STK10: variants seen among roughly 807,000 people sequenced by gnomAD.
STK10 encodes the protein serine/threonine-protein kinase 10.
A neutral mutation model predicts 113.8 loss-of-function variants in STK10; 78 were observed. That is an observed-to-expected ratio of 0.69 (90% CI 0.57 to 0.83). The LOEUF (loss-of-function observed/expected upper bound fraction) is 0.83, where lower values mean the gene tolerates loss of function less well. Ranked by LOEUF, STK10 falls within the 40% of genes least tolerant of loss-of-function variation. STK10 has a pLI of 0.00. For synonymous variants in STK10, 465 were observed against 494.7 expected (o/e 0.94, Z 0.80); for missense variants, 1,109 against 1,280.1 (o/e 0.87, Z 2.04).
intron 15 of STK10, 104 bp from the exon 16 acceptor site, chr5:172,055,880 C>A: frequency 1.5e-5 from 14 of 947,714 alleles, no homozygotes; most frequent in Non-Finnish European, 1.9e-5. Flanking sequence ...CCAGGACCAA[C>A]GCAGCCCACA....
chr5:172,154,061 C>A (rs1267454280), intron 2 of STK10, among the ~76,000 whole-genome samples: 1 of 152,088 alleles, frequency 6.6e-6, no homozygotes, highest in Non-Finnish European at 1.5e-5. Flanking sequence ...TATGCCTCTC[C>A]CCTGCAAAAA....
intron 4 of STK10, among the ~76,000 whole-genome samples, chr5:172,109,934 G>A (rs1266395793): frequency 6.6e-6 from 1 of 152,212 alleles, no homozygotes; most frequent in African/African-American, 2.4e-5. Context: ...CTTGAAATGA[G>A]CTGTATCCAG....
intron 12 of STK10, among the ~76,000 whole-genome samples, chr5:172,068,067 G>A (rs1302891443): frequency 3.9e-5 from 6 of 152,322 alleles, no homozygotes; most frequent in East Asian, 1.9e-4. Flanking sequence ...AGGGCCGGGC[G>A]CGGTGGCTCA....
chr5:172,057,167 G>T (rs1285765910), intron 15 of STK10, 182 bp downstream of exon 15: 1 of 750,924 alleles, frequency 1.3e-6, no homozygotes, highest in South Asian at 1.8e-5. Context: ...CTAGCCCCTT[G>T]AGCTGAAGCA....
At chr5:172,085,390 T>C (rs1768529438) in intron 10 of STK10, among the ~76,000 whole-genome samples, 1 of 151,922 alleles carries the variant, frequency 6.6e-6, no homozygotes. Flanking sequence ...AGCAAATCCA[T>C]TAAAAATTGC....
intron 4 of STK10, among the ~76,000 whole-genome samples, chr5:172,111,481 C>T (rs908142369): frequency 2.6e-5 from 4 of 152,214 alleles, no homozygotes; most frequent in Non-Finnish European, 4.4e-5. Context: ...CTGCCCCACA[C>T]GATGGGGCCC....
At chr5:172,105,499 T>C (rs1769079740) in intron 7 of STK10, 157 bp downstream of exon 7, 2 of 730,870 alleles carry the variant, frequency 2.7e-6, no homozygotes, top group Non-Finnish European at 4.6e-6. Context: ...AACACAGAGC[T>C]GGCATTCAGG....
chr5:172,050,191 A>T (rs186686714), intron 18 of STK10, among the ~76,000 whole-genome samples: 7 of 152,328 alleles, frequency 4.6e-5, no homozygotes, highest in Admixed American at 3.3e-4. Context: ...CAAATGGTTC[A>T]TTTTATTAAA....
intron 2 of STK10, among the ~76,000 whole-genome samples, chr5:172,143,725 A>G (rs919790339): frequency 6.6e-6 from 1 of 152,244 alleles, no homozygotes; most frequent in Non-Finnish European, 1.5e-5. Context: ...TGGACTATGT[A>G]GGTTCAAAGT....
Position 172,055,745 on chromosome 5 carries a change from C to A in STK10, c.2369G>T (p.Arg790Leu). The A allele has an allele frequency of 6.4e-7, 1 of 1,553,392 alleles. No homozygotes were observed. The highest frequency in any genetic ancestry group is 8.7e-7 in the Non-Finnish European group (1 of 1,144,284). ...CCGCACCTTCAGCTGCTCTATCATGCGCTGGTTGTAGCGCTGCATCTGCTC... is the reference window on the plus strand; with the variant it reads ...CCGCACCTTCAGCTGCTCTATCATGAGCTGGTTGTAGCGCTGCATCTGCTC... ...EREQMQRYNQ[R>L]MIEQLKVRQQ... The change falls in exon 16 of 19, where the codon CGC (arginine) becomes CTC (leucine). Residue 790 changes from arginine (R) to leucine (L), a missense_variant. Physicochemically the swap from Arg to Leu is moderately radical, Grantham distance 102. Coordinates refer to ENST00000176763, the MANE Select transcript of STK10 (RefSeq NM_005990.4).
At chr5:172,101,197 G>A (rs750489749) in intron 7 of STK10, among the ~76,000 whole-genome samples, 5 of 152,064 alleles carry the variant, frequency 3.3e-5, no homozygotes, top group African/African-American at 4.8e-5. Flanking sequence ...TTGGCCAGGC[G>A]TGGTGGCTCA....
chr5:172,106,733 G>C lies in STK10; in HGVS notation c.675C>G (p.Ile225Met). ...CGATCTGGGCCATCTCAATCAGCGT[G>C]ATGCCCAGGGACCAGATGTCGGCTT... ...DYKADIWSLGITLIEMAQIEP... is the reference protein window; with the variant it reads ...DYKADIWSLGMTLIEMAQIEP... Residue 225 changes from isoleucine to methionine, a missense_variant, in exon 6 of 19, where the codon ATC (isoleucine) becomes ATG (methionine). Physicochemically the swap from Ile to Met is conservative, Grantham distance 10. Coordinates refer to ENST00000176763, the MANE Select transcript of STK10 (RefSeq NM_005990.4). The C allele has an allele frequency of 7.4e-6, 12 of 1,614,214 alleles. No individual in the cohort carries two copies. Among genetic ancestry groups the C allele is most frequent in the Non-Finnish European group, 1.0e-5 (12 of 1,180,036 alleles).
chr5:172,167,677 C>A (rs1770596770), intron 1 of STK10, among the ~76,000 whole-genome samples: 1 of 152,216 alleles, frequency 6.6e-6, no homozygotes, highest in African/African-American at 2.4e-5. Context: ...TAGCTACTAG[C>A]CGCACGTGGC....
Position 172,187,055 on chromosome 5 carries a change from T to A in STK10, c.156+832A>T, listed in dbSNP as rs1770965059. 6.6e-6 allele frequency among the ~76,000 whole-genome samples: 1 copy of A among 150,858 alleles called. No homozygotes were observed. The highest frequency in any genetic ancestry group is 2.1e-4 in the South Asian group (1 of 4,748). The stretch of plus-strand genomic sequence containing the variant: ...AATTTTCTTAGGGGAAAGGGGGGAG[T>A]CAAGCTGTAGGTGTTGGCTCCCTAA... On this transcript the variant is annotated intron_variant, in intron 1 of 18. Coordinates refer to ENST00000176763, the MANE Select transcript of STK10 (RefSeq NM_005990.4). The surrounding 1 kb of genome is among the most constrained non-coding windows in gnomAD (Gnocchi z 4.6).
At chr5:172,156,222 C>T (rs1411108295) in intron 2 of STK10, among the ~76,000 whole-genome samples, 2 of 152,138 alleles carry the variant, frequency 1.3e-5, no homozygotes, top group Non-Finnish European at 2.9e-5. Flanking sequence ...CTTACATGTG[C>T]CCAGCACTCT....
At chr5:172,180,648 A>C (rs6883822) in intron 1 of STK10, among the ~76,000 whole-genome samples, 8,902 of 95,114 alleles carry the variant, frequency 0.094, 291 homozygotes, top group African/African-American at 0.2. Context: ...ACAACAACAA[A>C]AAAAAAAAAC....
At chr5:172,053,093 T>G (rs1204392360) in intron 17 of STK10, 51 bp from the exon 18 acceptor site, 1 of 1,498,310 alleles carries the variant, frequency 6.7e-7, no homozygotes, top group Non-Finnish European at 9.3e-7. Flanking sequence ...ACGCAGGCCC[T>G]GAAGACTGAG....
At chr5:172,054,857 C>G (rs918919604) in intron 16 of STK10, among the ~76,000 whole-genome samples, 163 bp from the exon 17 acceptor site, 2 of 152,202 alleles carry the variant, frequency 1.3e-5, no homozygotes, top group Non-Finnish European at 2.9e-5. Context: ...AAGTCCTCAC[C>G]CTGAGCTGAG....
chr5:172,107,318 A>G (rs1008515675), intron 5 of STK10, among the ~76,000 whole-genome samples: 4 of 152,206 alleles, frequency 2.6e-5, no homozygotes, highest in Non-Finnish European at 5.9e-5. Context: ...ATTGAGTGAC[A>G]GTGTTTTGCT....
Sources: allele counts gnomAD v4.1 joint callset (sites outside exome capture counted in the v4.1 genomes callset), GRCh38; gene constraint gnomAD v4.1.1; non-coding constraint Gnocchi (gnomAD v3.1); transcripts MANE v1.5; gene names NCBI Gene and HGNC (gene_info 2026-07-23, HGNC 2026-07-21).